RNF144A: variants seen among roughly 807,000 people sequenced by gnomAD.
The protein encoded by RNF144A is E3 ubiquitin-protein ligase RNF144A.
RNF144A carries 11 observed loss-of-function variants against 38.7 expected under a neutral mutation model. The ratio of observed to expected loss-of-function variants is 0.28; its 90% CI spans 0.18 to 0.47. RNF144A has a LOEUF of 0.47. RNF144A is among the 20% of genes least tolerant of loss of function. The probability of loss-of-function intolerance (pLI) is 0.99; values close to 1 mark genes in which losing one functional copy is unlikely to be tolerated. For missense variants in RNF144A, 316 were observed against 377.2 expected, an observed-to-expected ratio of 0.84 and a Z score of 1.34; for synonymous variants, 149 against 143.9, an observed-to-expected ratio of 1.04 and a Z score of -0.25.
chr2:6,961,011 A>G (rs973851423), intron 2 of RNF144A, among the ~76,000 whole-genome samples: 1 of 152,040 alleles, frequency 6.6e-6, no homozygotes, highest in Non-Finnish European at 1.5e-5. Context: ...GAAAGCTTTC[A>G]GAAAAATCTG....
In RNF144A at chr2:7,043,482, A is replaced by T. The variant is rs1335225352; in HGVS notation, c.*3722A>T. 2.5e-5 allele frequency: 25 copies of T among 985,708 alleles called. No homozygotes were observed. Among genetic ancestry groups the T allele is most frequent in the Non-Finnish European group, 3.0e-5 (25 of 829,910 alleles). The allele number at this position is 985,708 out of a possible 1,614,324, so 61.1% of individuals were successfully genotyped here. A position where few individuals can be genotyped will look rare whatever the true frequency, so the allele number is the denominator to read the frequency against. On this transcript the variant is annotated 3_prime_UTR_variant, in exon 9 of 9. Coordinates refer to ENST00000320892, the MANE Select transcript of RNF144A (RefSeq NM_014746.6). ...CACCTGTGTATATATATAAATCACAAGGAGATCATCAAGGGAAAACATTTT... is the reference window on the plus strand; with the variant it reads ...CACCTGTGTATATATATAAATCACATGGAGATCATCAAGGGAAAACATTTT...
rs1668360425 is a variant in RNF144A at position 6,977,077 on chromosome 2, C to A, written c.-11-19839C>A. On this transcript the variant is annotated intron_variant, in intron 2 of 8. Transcript: ENST00000320892. Reference sequence around the variant, plus strand: ...AATTTAAGTTCCTTGATAAATATTACGCATTGCCTCTCAAAAGTGTTAGTT... The same window carrying A: ...AATTTAAGTTCCTTGATAAATATTAAGCATTGCCTCTCAAAAGTGTTAGTT... Among the ~76,000 whole-genome samples, 3 of 152,202 alleles carry A rather than the reference C, an allele frequency of 2.0e-5. No homozygotes were observed. In the South Asian group the frequency reaches 6.2e-4, roughly 31 times the overall value.
the RNF144A span, among the ~76,000 whole-genome samples, chr2:7,075,076 AG>A: frequency 6.6e-6 from 1 of 152,202 alleles, no homozygotes; most frequent in Non-Finnish European, 1.5e-5. Context: ...TCTACAGATT[AG>A]AAGTTGGGCA....
At chr2:7,046,963 C>T (rs1187039461), downstream of RNF144A, among the ~76,000 whole-genome samples, 1 of 152,150 alleles carries the variant, frequency 6.6e-6, no homozygotes. Flanking sequence ...AAGAAAGATC[C>T]AACAAGGGGT....
chr2:7,025,862 T>A (rs533557785), intron 7 of RNF144A, among the ~76,000 whole-genome samples: 1 of 152,172 alleles, frequency 6.6e-6, no homozygotes, highest in South Asian at 2.1e-4. Flanking sequence ...GCCATTCAGG[T>A]CTCATTCAAA....
chr2:6,978,683 C>T (rs1668453067), intron 2 of RNF144A: 1 of 152,752 alleles, frequency 6.5e-6, no homozygotes, highest in Admixed American at 6.5e-5. Context: ...GGACTCAGAA[C>T]CAAGCTGAAT....
At chr2:7,075,281 T>TCC in the RNF144A span, among the ~76,000 whole-genome samples, 722 of 144,466 alleles carry the variant, frequency 5.0e-3, 2 homozygotes, top group African/African-American at 0.011. Flanking sequence ...AGCTGGAACA[T>TCC]CCCCCCCCCC....
At chr2:6,928,426 A>T (rs958768634) in intron 1 of RNF144A, among the ~76,000 whole-genome samples, 2 of 152,114 alleles carry the variant, frequency 1.3e-5, no homozygotes, top group African/African-American at 2.4e-5. Flanking sequence ...CACCGAATGG[A>T]TCTTGCACAT....
intron 3 of RNF144A, among the ~76,000 whole-genome samples, chr2:7,001,411 TCCTG>T (rs1475504354): frequency 2.2e-4 from 34 of 152,266 alleles, no homozygotes. Flanking sequence ...GCACAGTGTC[TCCTG>T]CCTGTAATCC....
downstream of RNF144A, among the ~76,000 whole-genome samples, chr2:7,047,699 G>A (rs547938832): frequency 6.6e-6 from 1 of 152,212 alleles, no homozygotes; most frequent in South Asian, 2.1e-4. Flanking sequence ...TGAACTGGAG[G>A]TGTAGACAGT....
At chr2:7,001,419 G>T (rs1375038700) in intron 3 of RNF144A, among the ~76,000 whole-genome samples, 1 of 152,202 alleles carries the variant, frequency 6.6e-6, no homozygotes, top group African/African-American at 2.4e-5. Context: ...TCTCCTGCCT[G>T]TAATCCCAGC....
At chr2:7,065,999 A>T (rs1674198086) in intron 6 of RNF144A, among the ~76,000 whole-genome samples, 1 of 152,226 alleles carries the variant, frequency 6.6e-6, no homozygotes, top group Non-Finnish European at 1.5e-5. Context: ...TGATGAGGAC[A>T]ATATTTTAGT....
chr2:6,936,354 G>T (rs1665579169), intron 1 of RNF144A, among the ~76,000 whole-genome samples: 1 of 152,148 alleles, frequency 6.6e-6, no homozygotes, highest in Admixed American at 6.5e-5. Context: ...TGCACACATA[G>T]ATGCATATAT....
In RNF144A at chr2:7,040,207, T is replaced by C. The variant is rs1572465199; in HGVS notation, c.*447T>C. The C allele has an allele frequency of 1.1e-5, 11 of 987,100 alleles. No individual in the cohort carries two copies. Among genetic ancestry groups the C allele is most frequent in the Non-Finnish European group, 1.2e-5 (10 of 831,204 alleles). The allele number at this position is 987,100 out of a possible 1,614,324, so 61.1% of individuals were successfully genotyped here. A position where few individuals can be genotyped will look rare whatever the true frequency, so the allele number is the denominator to read the frequency against. On this transcript the variant is annotated 3_prime_UTR_variant, in exon 9 of 9. Coordinates refer to ENST00000320892, the MANE Select transcript of RNF144A (RefSeq NM_014746.6). Reference sequence around the variant, plus strand: ...AGAGAAGCACTCTGTTTATGACAACTGTTTTTATTACTAATGGCATTTAGT... The same window carrying C: ...AGAGAAGCACTCTGTTTATGACAACCGTTTTTATTACTAATGGCATTTAGT...
chr2:6,965,237 C>A (rs1667585491), intron 2 of RNF144A, among the ~76,000 whole-genome samples: 1 of 152,180 alleles, frequency 6.6e-6, no homozygotes, highest in African/African-American at 2.4e-5. Flanking sequence ...CAAGGCTTTT[C>A]TGGGCCTGGA....
chr2:6,996,624 C>A, intron 2 of RNF144A: 1 of 273,270 alleles, frequency 3.7e-6, no homozygotes, highest in Non-Finnish European at 7.1e-6. Flanking sequence ...CATGGTGGCA[C>A]TTGCCTATAG....
chr2:7,048,517 G>T (rs984894170), downstream of RNF144A, among the ~76,000 whole-genome samples: 5 of 152,176 alleles, frequency 3.3e-5, no homozygotes, highest in Non-Finnish European at 7.3e-5. Flanking sequence ...AACACACCTA[G>T]GCAGGGTTCA....
intron 1 of RNF144A, among the ~76,000 whole-genome samples, chr2:6,938,427 T>C (rs949313078): frequency 2.6e-5 from 4 of 151,878 alleles, no homozygotes; most frequent in Non-Finnish European, 5.9e-5. Flanking sequence ...TTTGTATTTT[T>C]AGTAGAGATG....
intron 2 of RNF144A, among the ~76,000 whole-genome samples, chr2:6,992,632 G>A (rs1364988426): frequency 6.6e-6 from 1 of 152,238 alleles, no homozygotes; most frequent in African/African-American, 2.4e-5. Context: ...GCTGGCAGCT[G>A]CCTACCTTTC....
Sources: allele counts gnomAD v4.1 joint callset (sites outside exome capture counted in the v4.1 genomes callset), GRCh38; gene constraint gnomAD v4.1.1; transcripts MANE v1.5; gene names NCBI Gene and HGNC (gene_info 2026-07-23, HGNC 2026-07-21).